The following GALNT18 variants were observed in gnomAD, a reference collection of about 807,000 sequenced individuals.
GALNT18 encodes polypeptide N-acetylgalactosaminyltransferase 18, also known as GalNAc-transferase 18.
In GALNT18, 44 loss-of-function variants were observed where a neutral mutation model predicts 69.5. The observed-to-expected ratio is 0.63, with a 90% CI of 0.50 to 0.81. GALNT18 has a LOEUF of 0.81. Among genes scored for constraint, GALNT18 ranks in the 40% least tolerant of loss-of-function variants. The probability of loss-of-function intolerance (pLI) is 0.00; values close to 1 mark genes in which losing one functional copy is unlikely to be tolerated. For missense variants in GALNT18, 715 were observed against 810.0 expected, an observed-to-expected ratio of 0.88 and a Z score of 1.42; for synonymous variants, 364 against 318.2, an observed-to-expected ratio of 1.14 and a Z score of -1.53.
At chr11:11,327,025 C>T in intron 9 of GALNT18, 61 bp downstream of exon 9, 1 of 1,235,348 alleles carries the variant, frequency 8.1e-7, no homozygotes, top group Non-Finnish European at 1.2e-6. Context: ...CCTAGCTCTC[C>T]TTCCCCATGC....
intron 1 of GALNT18, among the ~76,000 whole-genome samples, chr11:11,536,787 G>A (rs1857782949): frequency 6.6e-6 from 1 of 152,212 alleles, no homozygotes; most frequent in Non-Finnish European, 1.5e-5. Flanking sequence ...TGTGGTAGGT[G>A]CACACCACTG....
intron 1 of GALNT18, among the ~76,000 whole-genome samples, chr11:11,579,203 C>T (rs775984044): frequency 5.3e-5 from 8 of 152,158 alleles, no homozygotes; most frequent in Non-Finnish European, 1.0e-4. Flanking sequence ...AAGGAAGGCT[C>T]CAGTCCTGCA....
At chr11:11,306,491 T>A (rs113429818) in intron 9 of GALNT18, among the ~76,000 whole-genome samples, 4 of 152,326 alleles carry the variant, frequency 2.6e-5, no homozygotes, top group African/African-American at 9.6e-5. Flanking sequence ...ACCATCTCCA[T>A]CTCCATTTTC....
intron 10 of GALNT18, among the ~76,000 whole-genome samples, chr11:11,286,638 G>A (rs1267435577): frequency 6.6e-6 from 1 of 152,114 alleles, no homozygotes; most frequent in Admixed American, 6.5e-5. Context: ...TTTTTAAAAA[G>A]ACTCCTTCAT....
chr11:11,333,973 G>T (rs775698247), intron 7 of GALNT18, among the ~76,000 whole-genome samples: 1 of 151,962 alleles, frequency 6.6e-6, no homozygotes, highest in Admixed American at 6.6e-5. Context: ...CCATGGCAGG[G>T]ATGAAGGCCA....
At position 11,557,538 on chromosome 11, in the gene GALNT18, A is replaced by T. The variant is rs115410898; in HGVS notation, c.235+63821T>A. Among the ~76,000 whole-genome samples the T allele has an allele frequency of 1.6e-3, 244 of 152,326 alleles. 1 individual carries two copies. Among genetic ancestry groups the T allele is most frequent in the Middle Eastern group, 6.8e-3 (2 of 294 alleles). On this transcript the variant is annotated intron_variant, in intron 1 of 10. Transcript: ENST00000227756. ...CCCAACACTGTGCCTCAGTTTCCTC[A>T]TCTGAAAAATAGGGATAAAAATATC...
At position 11,621,454 on chromosome 11, in the gene GALNT18, G is replaced by A. The variant is rs779138760; in HGVS notation, c.140C>T (p.Ala47Val). 88 of 1,614,122 alleles carry A rather than the reference G, an allele frequency of 5.5e-5. No homozygotes were observed. Among genetic ancestry groups the A allele is most frequent in the Non-Finnish European group, 7.1e-5 (84 of 1,180,016 alleles). The part of the protein sequence containing the change: ...ASVYVRGQEP[A>V]PDKKLEEDKG... Reference sequence around the variant, plus strand: ...GTCTTCCTCCAGCTTCTTGTCGGGCGCCGGCTCCTGCCCCCGCACATACAC... The same window carrying A: ...GTCTTCCTCCAGCTTCTTGTCGGGCACCGGCTCCTGCCCCCGCACATACAC... Residue 47 changes from alanine to valine, a missense_variant, in exon 1 of 11, where the codon GCG (alanine) becomes GTG (valine). Coordinates refer to ENST00000227756, the MANE Select transcript of GALNT18 (RefSeq NM_198516.3). This position sits in a 1 kb window ranked among gnomAD's most constrained non-coding sequence, Gnocchi z 9.3.
intron 1 of GALNT18, among the ~76,000 whole-genome samples, chr11:11,575,008 CATGTGCCTGGCTGAGT>C (rs1263337493): frequency 1.3e-5 from 2 of 152,194 alleles, no homozygotes; most frequent in Non-Finnish European, 2.9e-5. Flanking sequence ...ATCTATCTAG[CATGTGCCTGGCTGAGT>C]ACTGCTACTA....
At chr11:11,516,915 C>A (rs4072695) in intron 1 of GALNT18, among the ~76,000 whole-genome samples, 53,185 of 152,112 alleles carry the variant, frequency 0.35, 9,950 homozygotes, top group East Asian at 0.73. Flanking sequence ...TATGAACCCA[C>A]AAAGTTCATA....
chr11:11,341,206 A>G lies in GALNT18; in HGVS notation c.1093-202T>C, dbSNP rs1490351202. ...TGGCTATGGAGTCATTAATTCATAT[A>G]TTGGCTCTTATTGCTGTGGATTTAC... On this transcript the variant is annotated intron_variant, in intron 6 of 10. Transcript: ENST00000227756. The surrounding 1 kb of genome is among the most constrained non-coding windows in gnomAD (Gnocchi z 6.3). 4.6e-5 allele frequency among the ~76,000 whole-genome samples: 7 copies of G among 152,048 alleles called. No individual in the cohort carries two copies. The highest frequency in any genetic ancestry group is 7.4e-5 in the Non-Finnish European group (5 of 68,006).
intron 1 of GALNT18, among the ~76,000 whole-genome samples, chr11:11,468,799 G>GGT (rs1564964468): frequency 6.6e-6 from 1 of 152,106 alleles, no homozygotes; most frequent in African/African-American, 2.4e-5. Context: ...CACTGAAGGG[G>GGT]GTGTGGCAGA....
In GALNT18 at chr11:11,542,988, C is replaced by CTGCTGCAGGGGT. The variant is rs1187077903; in HGVS notation, c.235+78370_235+78371insACCCCTGCAGCA. Among the ~76,000 whole-genome samples, 1 of 152,158 alleles carries CTGCTGCAGGGGT rather than the reference C, an allele frequency of 6.6e-6. No individual in the cohort carries two copies. Among genetic ancestry groups the CTGCTGCAGGGGT allele is most frequent in the Non-Finnish European group, 1.5e-5 (1 of 68,032 alleles). On this transcript the variant is annotated intron_variant, in intron 1 of 10. Transcript: ENST00000227756. The surrounding 1 kb of genome is among the most constrained non-coding windows in gnomAD (Gnocchi z 4.3). Reference sequence around the variant, plus strand: ...CATGGAACCCCTGCAGCCTTTTCTACTGTGTGGAGAAAGAGTGAATGATAT... The same window carrying CTGCTGCAGGGGT: ...CATGGAACCCCTGCAGCCTTTTCTACTGCTGCAGGGGTTGTGTGGAGAAAGAGTGAATGATAT...
chr11:11,318,117 G>T lies in GALNT18; in HGVS notation c.1512+8969C>A, dbSNP rs1322456590. On this transcript the variant is annotated intron_variant, in intron 9 of 10. Transcript: ENST00000227756. This position sits in a 1 kb window ranked among gnomAD's most constrained non-coding sequence, Gnocchi z 5.1. ...AGGCAGGGCCATGTTACCATGTCTG[G>T]CCAGTGAAATGAGAGAGGAAGTGAT... Among the ~76,000 whole-genome samples the T allele has an allele frequency of 1.3e-5, 2 of 152,186 alleles. No homozygotes were observed. The highest frequency in any genetic ancestry group is 1.5e-5 in the Non-Finnish European group (1 of 68,036).
chr11:11,348,957 C>T (rs906132168), intron 6 of GALNT18, among the ~76,000 whole-genome samples: 1 of 152,180 alleles, frequency 6.6e-6, no homozygotes, highest in Non-Finnish European at 1.5e-5. Flanking sequence ...AGAAGCAATG[C>T]TTTGGCAGTA....
chr11:11,586,996 A>C lies in GALNT18; in HGVS notation c.235+34363T>G, dbSNP rs1859244099. 1.3e-5 allele frequency among the ~76,000 whole-genome samples: 2 copies of C among 152,096 alleles called. No individual in the cohort carries two copies. The highest frequency in any genetic ancestry group is 2.1e-4 in the South Asian group (1 of 4,822). ...AGAGTGAAACCCCATCTCCAAATAA[A>C]TAAATAAATAAATAAATAAACTCAA... On this transcript the variant is annotated intron_variant, in intron 1 of 10. Transcript: ENST00000227756. This position sits in a 1 kb window ranked among gnomAD's most constrained non-coding sequence, Gnocchi z 4.1.
intron 1 of GALNT18, among the ~76,000 whole-genome samples, chr11:11,567,992 C>A (rs1858694143): frequency 6.6e-6 from 1 of 152,212 alleles, no homozygotes; most frequent in Admixed American, 6.5e-5. Context: ...TCACAAAGGC[C>A]TGGCCCCACT....
At chr11:11,486,601 A>C (rs569203845) in intron 1 of GALNT18, among the ~76,000 whole-genome samples, 4 of 152,262 alleles carry the variant, frequency 2.6e-5, no homozygotes, top group Non-Finnish European at 5.9e-5. Flanking sequence ...TATTACATCC[A>C]TACTGACATT....
intron 8 of GALNT18, among the ~76,000 whole-genome samples, chr11:11,328,504 C>T (rs532582194): frequency 1.1e-4 from 16 of 152,166 alleles, no homozygotes; most frequent in African/African-American, 3.6e-4. Flanking sequence ...GAGATGGAGC[C>T]GATAACCAGA....
intron 10 of GALNT18, among the ~76,000 whole-genome samples, chr11:11,275,865 G>A (rs1848933076): frequency 1.3e-5 from 2 of 152,270 alleles, no homozygotes; most frequent in South Asian, 4.1e-4. Flanking sequence ...TTATTTCTGA[G>A]GGCTCTGTTC....
Sources: gnomAD v4.1 joint callset for allele counts (sites outside exome capture counted in the v4.1 genomes callset) on GRCh38, gnomAD v4.1.1 for gene constraint, Gnocchi (gnomAD v3.1) non-coding constraint, MANE v1.5 for transcripts, NCBI Gene and HGNC (gene_info 2026-07-23, HGNC 2026-07-21) for gene names.